RGPD6: variants seen among roughly 807,000 people sequenced by gnomAD.
RGPD6 encodes the protein RANBP2-like and GRIP domain-containing protein 5/6.
the RGPD6 span, among the ~76,000 whole-genome samples, chr2:110,610,538 G>A: frequency 2.6e-5 from 4 of 151,650 alleles, no homozygotes; most frequent in East Asian, 5.8e-4. Flanking sequence ...ACGGGCAGGC[G>A]GCCACGCATC....
chr2:110,593,288 C>T, the RGPD6 span, among the ~76,000 whole-genome samples: 3 of 148,076 alleles, frequency 2.0e-5, no homozygotes, highest in South Asian at 4.3e-4. Context: ...CAGTGACCCC[C>T]TGAATGAGGG....
chr2:110,572,276 G>T (rs1321455392), intron 1 of RGPD6, among the ~76,000 whole-genome samples: 1 of 3,994 alleles, frequency 2.5e-4, no homozygotes, highest in South Asian at 0.013. Flanking sequence ...TTTTTGAGAT[G>T]GAGTCTTGCT....
At chr2:110,606,265 G>A in the RGPD6 span, among the ~76,000 whole-genome samples, 2 of 139,486 alleles carry the variant, frequency 1.4e-5, no homozygotes, top group Admixed American at 1.4e-4. Flanking sequence ...TGAAGCATTT[G>A]AAAGTCACTG....
chr2:110,605,146 G>A, the RGPD6 span, among the ~76,000 whole-genome samples: 16 of 152,004 alleles, frequency 1.1e-4, no homozygotes, highest in Admixed American at 2.0e-4. Flanking sequence ...CGCCCCACAC[G>A]AGGGCTGAGC....
chr2:110,592,944 G>A, the RGPD6 span, among the ~76,000 whole-genome samples: 1 of 146,962 alleles, frequency 6.8e-6, no homozygotes, highest in South Asian at 2.2e-4. Flanking sequence ...TATTACCAAG[G>A]TTATTCTACT....
intron 1 of RGPD6, 55 bp downstream of exon 1, chr2:110,576,898 C>CCT (rs1688400710): frequency 1.0e-6 from 1 of 978,350 alleles, no homozygotes; most frequent in African/African-American, 2.4e-5. Flanking sequence ...GCCGCCCCCC[C>CCT]CCTCCCCCCC....
the RGPD6 span, among the ~76,000 whole-genome samples, chr2:110,601,889 A>AC: frequency 8.7e-6 from 1 of 114,730 alleles, no homozygotes; most frequent in Non-Finnish European, 1.8e-5. Flanking sequence ...AATCTGGAAT[A>AC]CCCCCCATTG....
chr2:110,604,764 G>T, the RGPD6 span, among the ~76,000 whole-genome samples: 8 of 145,810 alleles, frequency 5.5e-5, no homozygotes, highest in African/African-American at 1.8e-4. Context: ...ATATTGAGAG[G>T]TTTTTTTTTC....
the RGPD6 span, among the ~76,000 whole-genome samples, chr2:110,604,759 G>A: frequency 6.8e-6 from 1 of 146,994 alleles, no homozygotes; most frequent in Non-Finnish European, 1.5e-5. Flanking sequence ...ATTCCATATT[G>A]AGAGGTTTTT....
At chr2:110,592,916 A>G in the RGPD6 span, among the ~76,000 whole-genome samples, 2 of 146,338 alleles carry the variant, frequency 1.4e-5, no homozygotes, top group Admixed American at 6.8e-5. Context: ...CAGGAAGTAT[A>G]TTAAATGGGC....
the RGPD6 span, among the ~76,000 whole-genome samples, chr2:110,604,767 T>A: frequency 6.7e-6 from 1 of 149,106 alleles, no homozygotes; most frequent in Non-Finnish European, 1.5e-5. Context: ...TTGAGAGGTT[T>A]TTTTTTCTTA....
the RGPD6 span, among the ~76,000 whole-genome samples, chr2:110,601,844 C>T: frequency 2.7e-3 from 324 of 119,994 alleles, no homozygotes; most frequent in African/African-American, 0.011. Flanking sequence ...TTTAAATTTG[C>T]CCTACTATTC....
At chr2:110,605,902 C>T in the RGPD6 span, among the ~76,000 whole-genome samples, 3 of 151,432 alleles carry the variant, frequency 2.0e-5, no homozygotes, top group Non-Finnish European at 4.4e-5. Context: ...TGCCACCCCA[C>T]CATGAATATC....
At chr2:110,596,954 TATATATA>T in the RGPD6 span, among the ~76,000 whole-genome samples, 3 of 88,154 alleles carry the variant, frequency 3.4e-5, no homozygotes, top group African/African-American at 4.8e-5. Flanking sequence ...ATATATATAA[TATATATA>T]ATATATATTA....
chr2:110,591,254 TA>T, the RGPD6 span, among the ~76,000 whole-genome samples: 2 of 137,336 alleles, frequency 1.5e-5, no homozygotes, highest in East Asian at 4.1e-4. Flanking sequence ...GCATATAAAT[TA>T]CTTTATTACC....
At chr2:110,605,707 C>A in the RGPD6 span, among the ~76,000 whole-genome samples, 1 of 151,426 alleles carries the variant, frequency 6.6e-6, no homozygotes. Flanking sequence ...GCGGGCACTA[C>A]TGGGCAGCAT....
At chr2:110,607,345 G>A in the RGPD6 span, among the ~76,000 whole-genome samples, 1 of 151,396 alleles carries the variant, frequency 6.6e-6, no homozygotes, top group Non-Finnish European at 1.5e-5. Flanking sequence ...AGTGGAATTA[G>A]AGGTGGAAAT....
the RGPD6 span, among the ~76,000 whole-genome samples, chr2:110,596,633 T>C: frequency 0.01 from 1,536 of 147,658 alleles, 1 homozygote; most frequent in African/African-American, 0.037. Context: ...TCCATAAAAT[T>C]TGTCAAATTA....
At chr2:110,589,513 T>C in the RGPD6 span, among the ~76,000 whole-genome samples, 1 of 152,248 alleles carries the variant, frequency 6.6e-6, no homozygotes, top group African/African-American at 2.4e-5. Context: ...AGAAAGTCTA[T>C]GTCAATCAGC....
Sources: allele counts gnomAD v4.1 joint callset (sites outside exome capture counted in the v4.1 genomes callset), GRCh38; gene constraint gnomAD v4.1.1; transcripts MANE v1.5; gene names NCBI Gene and HGNC (gene_info 2026-07-23, HGNC 2026-07-21).